SYNPO2: variants seen among roughly 807,000 people sequenced by gnomAD.
SYNPO2 encodes synaptopodin-2.
In SYNPO2, 56 loss-of-function variants were observed where a neutral mutation model predicts 85.0. The ratio of observed to expected loss-of-function variants is 0.66; its 90% confidence interval spans 0.53 to 0.82. The LOEUF is 0.82. Among genes scored for constraint, SYNPO2 ranks in the 40% least tolerant of loss-of-function variants. The pLI is 0.00. For synonymous variants in SYNPO2, 602 were observed against 591.1 expected, an observed-to-expected ratio of 1.02 and a Z score of -0.27; for missense variants, 1,575 against 1,534.2, an observed-to-expected ratio of 1.03 and a Z score of -0.44.
chr4:118,953,374 T>A (rs1223552003), intron 1 of SYNPO2, among the ~76,000 whole-genome samples: 8 of 152,198 alleles, frequency 5.3e-5, no homozygotes, highest in Non-Finnish European at 1.0e-4. Context: ...GAAGTTTGTG[T>A]CAGATTCTAA....
chr4:118,876,675 T>TCCTTCCTTCCTTTC (rs1731922088), intron 1 of SYNPO2, among the ~76,000 whole-genome samples: 2 of 6,278 alleles, frequency 3.2e-4, no homozygotes, highest in Admixed American at 1.4e-3. Context: ...TTCTCTTTCT[T>TCCTTCCTTCCTTTC]TCTTTCTTTC....
chr4:118,927,308 A>T (rs1733741178), intron 1 of SYNPO2, among the ~76,000 whole-genome samples: 1 of 152,100 alleles, frequency 6.6e-6, no homozygotes, highest in Non-Finnish European at 1.5e-5. Flanking sequence ...CATTTCTTTC[A>T]TTGACTGTAG....
intron 1 of SYNPO2, among the ~76,000 whole-genome samples, chr4:118,937,818 A>G (rs1298968083): frequency 6.6e-6 from 1 of 152,176 alleles, no homozygotes; most frequent in Non-Finnish European, 1.5e-5. Context: ...GTATCTGTGG[A>G]AGATTGGTTC....
At chr4:118,977,194 C>T (rs1488248966) in intron 1 of SYNPO2, among the ~76,000 whole-genome samples, 2 of 152,220 alleles carry the variant, frequency 1.3e-5, no homozygotes, top group Non-Finnish European at 2.9e-5. Context: ...AGGCCTGCCC[C>T]GTGGGAAGGC....
At chr4:118,963,206 T>C (rs7697974) in intron 1 of SYNPO2, among the ~76,000 whole-genome samples, 124,743 of 152,184 alleles carry the variant, frequency 0.82, 51,195 homozygotes, top group South Asian at 0.89. Flanking sequence ...AGTGTCTATC[T>C]TATTAGATCA....
intron 1 of SYNPO2, among the ~76,000 whole-genome samples, chr4:118,923,689 C>T (rs1447752027): frequency 1.3e-5 from 2 of 152,108 alleles, no homozygotes; most frequent in East Asian, 3.9e-4. Context: ...AGCATCTCTT[C>T]TAGAATGTAG....
chr4:118,999,226 G>A (rs765115596), intron 1 of SYNPO2, among the ~76,000 whole-genome samples: 2 of 152,112 alleles, frequency 1.3e-5, no homozygotes, highest in South Asian at 2.1e-4. Flanking sequence ...ATGGCTCACC[G>A]CAGTCTCCAC....
upstream of SYNPO2, among the ~76,000 whole-genome samples, chr4:118,887,554 C>A (rs1345248809): frequency 6.6e-6 from 1 of 152,062 alleles, no homozygotes; most frequent in East Asian, 1.9e-4. Flanking sequence ...CACTGATTCA[C>A]CAAAAATTGG....
At chr4:118,984,524 C>CCACAGGCCAGA (rs1303948999) in intron 1 of SYNPO2, among the ~76,000 whole-genome samples, 1 of 152,188 alleles carries the variant, frequency 6.6e-6, no homozygotes, top group Admixed American at 6.5e-5. Context: ...CTGACACACT[C>CCACAGGCCAGA]CACAGGCCAG....
chr4:118,986,653 C>T (rs996196904), intron 1 of SYNPO2, among the ~76,000 whole-genome samples: 3 of 152,150 alleles, frequency 2.0e-5, no homozygotes, highest in African/African-American at 7.2e-5. Flanking sequence ...ATTTAGACTA[C>T]CCAGCTGTAT....
intron 1 of SYNPO2, among the ~76,000 whole-genome samples, chr4:118,913,818 T>C (rs1196220334): frequency 2.6e-5 from 4 of 152,216 alleles, no homozygotes; most frequent in Non-Finnish European, 5.9e-5. Context: ...GTCTCTGTCT[T>C]CTTCCTTTCA....
intron 4 of SYNPO2, among the ~76,000 whole-genome samples, chr4:119,056,396 A>G (rs1365640860): frequency 6.6e-6 from 1 of 152,076 alleles, no homozygotes; most frequent in Non-Finnish European, 1.5e-5. Flanking sequence ...TGTAAAAAAG[A>G]TTTTTAAAAA....
rs948051047 is a variant in SYNPO2, at chr4:118,910,239, C to A, written c.105+21098C>A. 5.3e-5 allele frequency among the ~76,000 whole-genome samples: 8 copies of A among 152,216 alleles called. No individual in the cohort carries two copies. In the South Asian group the frequency reaches 1.7e-3, roughly 32 times the overall value. On this transcript the variant is annotated intron_variant, in intron 1 of 4. Coordinates refer to ENST00000307142, the MANE Select transcript of SYNPO2 (RefSeq NM_133477.3). ...TCCTCTCCTAAACCCTGACTTGTAG[C>A]CTCCTTGTGACAGGAGACATTATGT...
intron 4 of SYNPO2, among the ~76,000 whole-genome samples, chr4:119,050,966 G>T (rs897325623): frequency 6.6e-6 from 1 of 152,132 alleles, no homozygotes; most frequent in Non-Finnish European, 1.5e-5. Flanking sequence ...CATTAGCCTT[G>T]CCCAACAAAC....
At chr4:118,980,429 C>A (rs1560940538) in intron 1 of SYNPO2, among the ~76,000 whole-genome samples, 1 of 152,142 alleles carries the variant, frequency 6.6e-6, no homozygotes, top group Non-Finnish European at 1.5e-5. Context: ...TTGGCAAGGT[C>A]TACCTAGATC....
In SYNPO2 at chr4:119,046,767, A is replaced by G. The variant is rs149954406; in HGVS notation, c.3253-10634A>G. Among the ~76,000 whole-genome samples, 104 of 152,332 alleles carry G rather than the reference A, an allele frequency of 6.8e-4. 1 individual carries two copies. The highest frequency in any genetic ancestry group is 2.5e-3 in the African/African-American group (102 of 41,576). On this transcript the variant is annotated intron_variant, in intron 4 of 4. Coordinates refer to ENST00000307142, the MANE Select transcript of SYNPO2 (RefSeq NM_133477.3). ...TGAATTGCGTGGATAACAAAAGACA[A>G]AGGCAGAACTTTCAGGTCAATGTGA...
intron 1 of SYNPO2, among the ~76,000 whole-genome samples, chr4:118,916,729 CTTTTTTTTT>C (rs199715189): frequency 1.7e-5 from 2 of 117,024 alleles, no homozygotes; most frequent in Admixed American, 2.1e-4. Flanking sequence ...ATTTTTCTTT[CTTTTTTTTT>C]TTTTTTTTTC....
At chr4:118,861,892 T>C (rs62329293) in intron 1 of SYNPO2, among the ~76,000 whole-genome samples, 153 of 152,294 alleles carry the variant, frequency 1.0e-3, no homozygotes, top group Non-Finnish European at 1.9e-3. Context: ...GTTATTGATA[T>C]TCAATAGCGA....
chr4:118,914,964 G>T (rs976898515), intron 1 of SYNPO2, among the ~76,000 whole-genome samples: 4 of 149,528 alleles, frequency 2.7e-5, no homozygotes, highest in African/African-American at 9.9e-5. Context: ...TTGATATTTG[G>T]AAGTATTTAT....
Sources: allele counts gnomAD v4.1 joint callset (sites outside exome capture counted in the v4.1 genomes callset), GRCh38; gene constraint gnomAD v4.1.1; transcripts MANE v1.5; gene names NCBI Gene and HGNC (gene_info 2026-07-23, HGNC 2026-07-21).